EIPR1: variants seen among roughly 807,000 people sequenced by gnomAD.
EIPR1 encodes the protein EARP and GARP complex-interacting protein 1.
EIPR1 carries 25 observed loss-of-function variants against 48.1 expected under a neutral mutation model. The ratio of observed to expected loss-of-function variants is 0.52; its 90% CI spans 0.38 to 0.73. EIPR1 has a LOEUF of 0.73. EIPR1 is among the 30% of genes least tolerant of loss of function. EIPR1 has a pLI of 0.00. For synonymous variants in EIPR1, 204 were observed against 201.9 expected, an observed-to-expected ratio of 1.01 and a Z score of -0.09; for missense variants, 415 against 506.2, an observed-to-expected ratio of 0.82 and a Z score of 1.73.
chr2:3,313,415 A>G (rs1669188499), intron 3 of EIPR1, among the ~76,000 whole-genome samples: 1 of 130,684 alleles, frequency 7.7e-6, no homozygotes. Flanking sequence ...CACTGTGGAC[A>G]GGCATGGCAG....
chr2:3,371,272 G>A (rs1039509917), intron 1 of EIPR1, among the ~76,000 whole-genome samples: 10 of 152,140 alleles, frequency 6.6e-5, no homozygotes, highest in East Asian at 1.9e-4. Flanking sequence ...CGTACCAGCC[G>A]CTGCAAACTC....
chr2:3,272,157 C>A (rs1572382632), intron 3 of EIPR1, among the ~76,000 whole-genome samples: 1 of 152,324 alleles, frequency 6.6e-6, no homozygotes, highest in South Asian at 2.1e-4. Flanking sequence ...GGGTCTTGCT[C>A]CGGATTAGGC....
At chr2:3,294,984 TACACACACACA>T (rs1558279879) in intron 3 of EIPR1, among the ~76,000 whole-genome samples, 1 of 67,438 alleles carries the variant, frequency 1.5e-5, no homozygotes, top group Non-Finnish European at 2.8e-5. Flanking sequence ...CCATCCTCTC[TACACACACACA>T]CACACACCCT....
At chr2:3,313,580 T>C (rs936505197) in intron 3 of EIPR1, among the ~76,000 whole-genome samples, 5 of 152,186 alleles carry the variant, frequency 3.3e-5, no homozygotes, top group Admixed American at 2.0e-4. Context: ...CACAAATTGC[T>C]GAAGGCCTCA....
rs901525248 is a variant in EIPR1 at position 3,223,400 on chromosome 2, C to CAA, written c.417-9154_417-9153dup. ...CACACCTCCCACTCATGGGAATATG[C>CAA]AAGCAGCCAGCTCAGGCTGTGACAG... On this transcript the variant is annotated intron_variant, in intron 4 of 8. Transcript: ENST00000382125. Among the ~76,000 whole-genome samples, 128 of 152,318 alleles carry CAA rather than the reference C, an allele frequency of 8.4e-4. 2 individuals carry two copies. Among genetic ancestry groups the CAA allele is most frequent in the African/African-American group, 2.9e-3 (120 of 41,566 alleles).
chr2:3,296,679 C>T (rs906230354), intron 3 of EIPR1, among the ~76,000 whole-genome samples: 1 of 150,624 alleles, frequency 6.6e-6, no homozygotes, highest in Non-Finnish European at 1.5e-5. Context: ...ACCCTCCATC[C>T]AGCCCGTCCT....
chr2:3,287,476 C>T (rs1261163385), intron 3 of EIPR1, among the ~76,000 whole-genome samples: 1 of 150,622 alleles, frequency 6.6e-6, no homozygotes, highest in Non-Finnish European at 1.5e-5. Flanking sequence ...AAAGCTCGTT[C>T]ACCACACTCC....
At chr2:3,289,779 C>A (rs1225577316) in intron 3 of EIPR1, among the ~76,000 whole-genome samples, 1 of 152,250 alleles carries the variant, frequency 6.6e-6, no homozygotes, top group African/African-American at 2.4e-5. Flanking sequence ...AAGCTGAACG[C>A]CAGCGGCCCC....
At chr2:3,296,936 G>A (rs1053690798) in intron 3 of EIPR1, among the ~76,000 whole-genome samples, 1 of 152,226 alleles carries the variant, frequency 6.6e-6, no homozygotes, top group African/African-American at 2.4e-5. Flanking sequence ...TCTCTGACTT[G>A]TTTCCTTAGG....
intron 6 of EIPR1, 148 bp from the exon 7 acceptor site, chr2:3,194,314 G>A (rs1664720233): frequency 3.3e-6 from 3 of 915,978 alleles, no homozygotes; most frequent in Non-Finnish European, 4.8e-6. Context: ...TGCCCTGCAG[G>A]AAGAGGCTGG....
chr2:3,259,947 C>G (rs1052245637), intron 3 of EIPR1, among the ~76,000 whole-genome samples: 2 of 152,000 alleles, frequency 1.3e-5, no homozygotes, highest in Non-Finnish European at 2.9e-5. Flanking sequence ...ATGATAAAGA[C>G]GTAAAGATAA....
At chr2:3,325,557 C>G (rs28692771) in intron 3 of EIPR1, among the ~76,000 whole-genome samples, 1 of 152,134 alleles carries the variant, frequency 6.6e-6, no homozygotes, top group South Asian at 2.1e-4. Context: ...TACTCCCAAC[C>G]CCCGAAAACA....
intron 3 of EIPR1, among the ~76,000 whole-genome samples, chr2:3,336,597 A>G (rs1394015872): frequency 6.6e-6 from 1 of 152,050 alleles, no homozygotes; most frequent in East Asian, 1.9e-4. Flanking sequence ...GTGAAACCCC[A>G]TCTCTGCTAA....
chr2:3,283,119 T>C (rs1403617944), intron 3 of EIPR1, among the ~76,000 whole-genome samples: 1 of 152,212 alleles, frequency 6.6e-6, no homozygotes, highest in Non-Finnish European at 1.5e-5. Flanking sequence ...ATATGAAACA[T>C]ACCAGTCCTT....
In EIPR1 at chr2:3,196,905, C is replaced by T. The variant is rs149389257; in HGVS notation, c.629G>A (p.Arg210His). The change falls in exon 6 of 9, where the codon CGT (arginine) becomes CAT (histidine). Residue 210 changes from arginine to histidine, a missense_variant. Coordinates refer to ENST00000382125, the MANE Select transcript of EIPR1 (RefSeq NM_003310.5). ...CCTCATGCTCCGGGTGTCCCAGCCA[C>T]GGAGGGTGGTGTCGTTCGCTGTGGC... ...QVATANDTTL[R>H]GWDTRSMSQI... The T allele has an allele frequency of 2.5e-5, 40 of 1,613,680 alleles. No homozygotes were observed. The highest frequency in any genetic ancestry group is 2.8e-5 in the Non-Finnish European group (33 of 1,179,962).
At chr2:3,194,258 CT>C (rs1664717855) in intron 6 of EIPR1, 92 bp from the exon 7 acceptor site, 1 of 1,503,406 alleles carries the variant, frequency 6.7e-7, no homozygotes, top group Non-Finnish European at 9.1e-7. Flanking sequence ...TCCCGGGACC[CT>C]GTCTAATCCC....
chr2:3,208,443 T>C (rs1429569634), intron 5 of EIPR1: 53 of 1,482,298 alleles, frequency 3.6e-5, no homozygotes, highest in Non-Finnish European at 4.3e-5. Flanking sequence ...CTTCCTCTGC[T>C]TCCGTCGTTA....
Position 3,251,050 on chromosome 2 carries a change from A to G in EIPR1, c.416+6249T>C, listed in dbSNP as rs146457893. 8.6e-3 allele frequency among the ~76,000 whole-genome samples: 1,305 copies of G among 152,334 alleles called. 7 individuals are homozygous for G. The highest frequency in any genetic ancestry group is 0.015 in the Non-Finnish European group (1,014 of 68,030). On this transcript the variant is annotated intron_variant, in intron 4 of 8. Coordinates refer to ENST00000382125, the MANE Select transcript of EIPR1 (RefSeq NM_003310.5). Reference sequence around the variant, plus strand: ...AATAAAATATAACAGTGTGAGATATACTGAAAAATAGTTAAAACATTACAC... The same window carrying G: ...AATAAAATATAACAGTGTGAGATATGCTGAAAAATAGTTAAAACATTACAC...
chr2:3,284,728 T>C (rs1668124542), intron 3 of EIPR1, among the ~76,000 whole-genome samples: 1 of 152,142 alleles, frequency 6.6e-6, no homozygotes. Flanking sequence ...AACTCGAGTC[T>C]GCCCAACTCC....
Sources: gnomAD v4.1 joint callset for allele counts (sites outside exome capture counted in the v4.1 genomes callset) on GRCh38, gnomAD v4.1.1 for gene constraint, MANE v1.5 for transcripts, NCBI Gene and HGNC (gene_info 2026-07-23, HGNC 2026-07-21) for gene names.